Variants in TREM1 observed in about 807,000 individuals in gnomAD.
The protein encoded by TREM1 is triggering receptor expressed on monocytes 1.
A neutral mutation model predicts 22.4 loss-of-function variants in TREM1; 16 were observed. The observed-to-expected ratio is 0.71, with a 90% CI of 0.48 to 1.08. The LOEUF is 1.08. Among genes scored for constraint, TREM1 ranks in the 50% least tolerant of loss-of-function variants. TREM1 has a pLI of 0.00. For synonymous variants in TREM1, 110 were observed against 111.6 expected (o/e 0.99, Z 0.09); for missense variants, 283 against 282.9 (o/e 1.00, Z 0.00).
chr6:41,279,307 TTC>T (rs1177159865), intron 3 of TREM1, among the ~76,000 whole-genome samples: 1 of 152,242 alleles, frequency 6.6e-6, no homozygotes, highest in Non-Finnish European at 1.5e-5. Flanking sequence ...GTGGGGCCAC[TTC>T]TACCCTGGGG....
rs551646257 is a variant in TREM1, at chr6:41,275,365, T to C, written c.*760A>G. 2.6e-5 allele frequency: 4 copies of C among 152,356 alleles called. No homozygotes were observed. Among genetic ancestry groups the C allele is most frequent in the African/African-American group, 7.2e-5 (3 of 41,576 alleles). The allele number at this position is 152,356 out of a possible 1,614,324, so 9.4% of individuals were successfully genotyped here. A position where few individuals can be genotyped will look rare whatever the true frequency, so the allele number is the denominator to read the frequency against. On this transcript the variant is annotated 3_prime_UTR_variant, in exon 4 of 4. Transcript: ENST00000244709. ...GCGCTTCAGTTTTCACTCCTGCCAG[T>C]GGGCAGTGGCTTATTCATGTGGCCT...
chr6:41,283,709 T>TAAA (rs545773140), intron 1 of TREM1, among the ~76,000 whole-genome samples: 9 of 148,830 alleles, frequency 6.0e-5, no homozygotes, highest in Admixed American at 6.0e-4. Flanking sequence ...AAGACTCTGT[T>TAAA]AAAAAAAAAA....
intron 3 of TREM1, chr6:41,280,629 C>A: frequency 7.4e-7 from 1 of 1,355,826 alleles, no homozygotes; most frequent in Non-Finnish European, 9.5e-7. Flanking sequence ...GGGCCCCTCA[C>A]TCAGAGTGCT....
In TREM1 at chr6:41,283,023, G is replaced by C. The variant is rs542745047; in HGVS notation, c.50-272C>G. ...ATCAGAAGAGGAAGACTGACTTTGAGAGGAAGAAACTGCCTGCCTGGAGAC... is the reference window on the plus strand; with the variant it reads ...ATCAGAAGAGGAAGACTGACTTTGACAGGAAGAAACTGCCTGCCTGGAGAC... On this transcript the variant is annotated intron_variant, in intron 1 of 3. Coordinates refer to ENST00000244709, the MANE Select transcript of TREM1 (RefSeq NM_018643.5). Among the ~76,000 whole-genome samples, 4 of 152,286 alleles carry C rather than the reference G, an allele frequency of 2.6e-5. No homozygotes were observed. In the East Asian group the frequency reaches 7.7e-4, roughly 29 times the overall value.
At chr6:41,279,653 G>C in intron 3 of TREM1, 1 of 985,440 alleles carries the variant, frequency 1.0e-6, no homozygotes, top group African/African-American at 1.7e-5. Flanking sequence ...TACACTCATA[G>C]AGAAATTAGA....
At chr6:41,280,162 T>C (rs1259697559) in intron 3 of TREM1, 1 of 944,374 alleles carries the variant, frequency 1.1e-6, no homozygotes, top group Non-Finnish European at 1.3e-6. Context: ...GAAGAGAATA[T>C]GAGAAAAAAG....
At chr6:41,280,019 G>A in intron 3 of TREM1, 1 of 979,634 alleles carries the variant, frequency 1.0e-6, no homozygotes, top group Non-Finnish European at 1.2e-6. Context: ...AGAAAAATAT[G>A]CACTCATTGA....
chr6:41,283,783 G>A (rs1177182995), intron 1 of TREM1, among the ~76,000 whole-genome samples: 1 of 152,050 alleles, frequency 6.6e-6, no homozygotes, highest in Non-Finnish European at 1.5e-5. Flanking sequence ...ATTGGTTTAG[G>A]AAGGAGCACA....
intron 1 of TREM1, among the ~76,000 whole-genome samples, chr6:41,284,086 G>A (rs544153805): frequency 5.8e-4 from 89 of 152,184 alleles, no homozygotes; most frequent in African/African-American, 2.1e-3. Flanking sequence ...AGTTACCTGA[G>A]CCAAGAAATG....
chr6:41,280,750 C>A, intron 3 of TREM1: 1 of 1,441,964 alleles, frequency 6.9e-7, no homozygotes, highest in East Asian at 2.5e-5. Flanking sequence ...AGAAGGTGAA[C>A]TGGGGAGAAG....
chr6:41,284,979 A>G (rs1768097923), intron 1 of TREM1, among the ~76,000 whole-genome samples: 2 of 152,178 alleles, frequency 1.3e-5, no homozygotes, highest in Non-Finnish European at 2.9e-5. Flanking sequence ...TGGTTCCCTC[A>G]TTTGTTCACT....
At chr6:41,269,591 C>T (rs569870705), downstream of TREM1, among the ~76,000 whole-genome samples, 5 of 152,314 alleles carry the variant, frequency 3.3e-5, no homozygotes, top group Admixed American at 6.5e-5. Flanking sequence ...GTTTCTCTAG[C>T]GGCCCTCTGC....
intron 3 of TREM1, chr6:41,280,577 AC>A: frequency 8.3e-7 from 1 of 1,198,520 alleles, no homozygotes; most frequent in Non-Finnish European, 1.0e-6. Flanking sequence ...TTCCTGACTC[AC>A]CCAAAGTCAC....
chr6:41,271,165 C>T (rs1173050183), downstream of TREM1, among the ~76,000 whole-genome samples: 1 of 152,168 alleles, frequency 6.6e-6, no homozygotes, highest in Non-Finnish European at 1.5e-5. Flanking sequence ...CCTCTTCACC[C>T]TAAATATCAC....
chr6:41,274,020 G>A lies in TREM1; in HGVS notation c.*2105C>T, dbSNP rs1358951481. Among the ~76,000 whole-genome samples the A allele has an allele frequency of 2.0e-5, 3 of 152,222 alleles. No homozygotes were observed. The highest frequency in any genetic ancestry group is 2.0e-4 in the Admixed American group (3 of 15,284). On this transcript the variant is annotated 3_prime_UTR_variant, in exon 4 of 4. Transcript: ENST00000244709. ...CATGGCGTGGCCTGTAAGTGCAAAT[G>A]GGAGAGTATCCAGCACGGCCATTTG...
intron 3 of TREM1, chr6:41,279,877 G>A (rs1349255332): frequency 2.0e-6 from 2 of 982,150 alleles, no homozygotes; most frequent in Middle Eastern, 5.2e-4. Context: ...TTATCTCATG[G>A]AAATTTCGAG....
intron 3 of TREM1, chr6:41,280,440 C>T (rs1429409430): frequency 1.0e-6 from 1 of 994,592 alleles, no homozygotes; most frequent in African/African-American, 1.7e-5. Flanking sequence ...AACAATAAGG[C>T]AAAAACCAAT....
At chr6:41,267,594 A>G (rs568518452), downstream of TREM1, among the ~76,000 whole-genome samples, 7 of 150,348 alleles carry the variant, frequency 4.7e-5, no homozygotes, top group South Asian at 1.5e-3. Flanking sequence ...TAAAGATTAA[A>G]AAAAACACAC....
downstream of TREM1, among the ~76,000 whole-genome samples, chr6:41,271,201 A>G (rs1279287456): frequency 6.6e-6 from 1 of 152,170 alleles, no homozygotes; most frequent in Non-Finnish European, 1.5e-5. Context: ...TGGTTCCATC[A>G]TCATCATCTC....
Sources: allele counts gnomAD v4.1 joint callset (sites outside exome capture counted in the v4.1 genomes callset), GRCh38; gene constraint gnomAD v4.1.1; transcripts MANE v1.5; gene names NCBI Gene and HGNC (gene_info 2026-07-23, HGNC 2026-07-21).